The following CPSF4L variants were observed in gnomAD, a reference collection of about 807,000 sequenced individuals.
CPSF4L encodes putative cleavage and polyadenylation specificity factor subunit 4-like protein.
A neutral mutation model predicts 24.0 loss-of-function variants in CPSF4L; 18 were observed. The observed-to-expected ratio is 0.75, with a 90% CI of 0.52 to 1.11. The LOEUF is 1.11. Among genes scored for constraint, CPSF4L ranks in the 50% least tolerant of loss-of-function variants. The pLI is 0.00. For missense variants in CPSF4L, 211 were observed against 221.8 expected (o/e 0.95, Z 0.31); for synonymous variants, 72 against 77.2 (o/e 0.93, Z 0.35).
chr17:73,259,854 A>G (rs2145283750), intron 2 of CPSF4L, among the ~76,000 whole-genome samples: 1 of 152,324 alleles, frequency 6.6e-6, no homozygotes, highest in East Asian at 1.9e-4. Context: ...CTCTCACACC[A>G]GTGAGATTTC....
chr17:73,250,869 C>T (rs1599410510), intron 5 of CPSF4L: 1 of 882,716 alleles, frequency 1.1e-6, no homozygotes. Flanking sequence ...ATTCACACTC[C>T]TATCTGCTGC....
At position 73,250,217 on chromosome 17, in the gene CPSF4L, ATCT is replaced by A. The variant is rs1389116270; in HGVS notation, c.498-1684_498-1682del. On this transcript the variant is annotated intron_variant, in intron 5 of 5. Transcript: ENST00000344935. ...GAATCCCATAGTAAGACCATTGAGC[ATCT>A]TCTCCTGACCATAGGTTAGTTTTTA... 1.7e-5 allele frequency: 27 copies of A among 1,545,876 alleles called. No homozygotes were observed. The Middle Eastern group carries it at 8.4e-4, about 48-fold the overall frequency.
upstream of CPSF4L, among the ~76,000 whole-genome samples, chr17:73,262,932 C>T (rs1178048268): frequency 6.7e-6 from 1 of 148,666 alleles, no homozygotes; most frequent in East Asian, 1.9e-4. Flanking sequence ...CTTTTGAACT[C>T]CAGATCAGAA....
intron 3 of CPSF4L, among the ~76,000 whole-genome samples, 154 bp from the exon 4 acceptor site, chr17:73,254,180 C>A (rs1276284042): frequency 6.6e-6 from 1 of 152,210 alleles, no homozygotes; most frequent in East Asian, 1.9e-4. Flanking sequence ...TATGCCTAAT[C>A]CTTGCTGCAG....
chr17:73,255,400 A>G (rs1230138233), intron 3 of CPSF4L, among the ~76,000 whole-genome samples: 1 of 151,666 alleles, frequency 6.6e-6, no homozygotes, highest in East Asian at 1.9e-4. Context: ...CCAGTTATTC[A>G]GGAGGCTGTG....
At chr17:73,246,092 T>TTG (rs1481290640), downstream of CPSF4L, among the ~76,000 whole-genome samples, 1 of 152,176 alleles carries the variant, frequency 6.6e-6, no homozygotes, top group Non-Finnish European at 1.5e-5. Context: ...TTAGGCAACG[T>TTG]TGATGGATAA....
downstream of CPSF4L, chr17:73,245,499 T>A: frequency 1.0e-6 from 1 of 985,378 alleles, no homozygotes; most frequent in Non-Finnish European, 1.2e-6. Flanking sequence ...ATGACAAAGT[T>A]CATCACTAAA....
At chr17:73,251,020 G>A (rs1356827414) in intron 5 of CPSF4L, 1 of 1,549,654 alleles carries the variant, frequency 6.5e-7, no homozygotes, top group Non-Finnish European at 8.7e-7. Flanking sequence ...AGGCAGGAGA[G>A]CAGGCACTCT....
rs1177564370 is a variant in CPSF4L, at chr17:73,260,974, G to A, written c.113C>T (p.Ser38Leu). 14 of 1,550,336 alleles carry A rather than the reference G, an allele frequency of 9.0e-6. No homozygotes were observed. The East Asian group carries it at 3.2e-4, about 35-fold the overall frequency. ...TTTAGTGAAGAAGTTGCACACAGCT[G>A]AGGCCGACTCTGGAAGGAGAAGAGG... is the stretch of plus-strand genomic sequence containing the variant. ...LPFQGMDKSASAVCNFFTKGL... is the reference protein window; with the variant it reads ...LPFQGMDKSALAVCNFFTKGL... Residue 38 changes from serine (S) to leucine (L), a missense_variant, in exon 2 of 6, where the codon TCA becomes TTA. Physicochemically the swap from Ser to Leu is moderately radical, Grantham distance 145 (BLOSUM62 -2). Coordinates refer to ENST00000344935, the MANE Select transcript of CPSF4L (RefSeq NM_001129885.1).
downstream of CPSF4L, among the ~76,000 whole-genome samples, chr17:73,246,094 G>C (rs1298484062): frequency 6.6e-6 from 1 of 152,112 alleles, no homozygotes; most frequent in African/African-American, 2.4e-5. Context: ...AGGCAACGTT[G>C]ATGGATAAGT....
At chr17:73,248,423 A>G (rs767813818), downstream of CPSF4L, 62 of 1,318,762 alleles carry the variant, frequency 4.7e-5, no homozygotes, top group Non-Finnish European at 5.6e-5. Flanking sequence ...CATGCTGCAG[A>G]AGGAGGGGGT....
chr17:73,246,745 T>C (rs1238024273), downstream of CPSF4L, among the ~76,000 whole-genome samples: 1 of 152,224 alleles, frequency 6.6e-6, no homozygotes, highest in Non-Finnish European at 1.5e-5. Flanking sequence ...TATCCCTGTA[T>C]CCTAGAATTC....
At chr17:73,242,853 G>T in the CPSF4L span, 1 of 1,534,662 alleles carries the variant, frequency 6.5e-7, no homozygotes, top group Non-Finnish European at 8.9e-7. Context: ...ACTGGCCCTA[G>T]TTTCAGTTGC....
intron 4 of CPSF4L, among the ~76,000 whole-genome samples, chr17:73,253,045 A>G (rs760833977): frequency 6.6e-6 from 1 of 152,184 alleles, no homozygotes; most frequent in Non-Finnish European, 1.5e-5. Flanking sequence ...TATTTATTTA[A>G]GTATGGGAGG....
downstream of CPSF4L, chr17:73,247,200 GC>G: frequency 1.3e-6 from 2 of 1,575,470 alleles, no homozygotes; most frequent in African/African-American, 1.3e-5. Context: ...GAAACCATAT[GC>G]CCTGAAAAGC....
downstream of CPSF4L, among the ~76,000 whole-genome samples, chr17:73,243,549 T>C (rs1308235171): frequency 5.2e-5 from 5 of 95,526 alleles, no homozygotes; most frequent in East Asian, 1.1e-3. Flanking sequence ...TCATGTTGTC[T>C]TTTTTTTTTT....
chr17:73,243,854 C>T (rs1444354582), downstream of CPSF4L, among the ~76,000 whole-genome samples: 1 of 152,110 alleles, frequency 6.6e-6, no homozygotes, highest in African/African-American at 2.4e-5. Flanking sequence ...TTTCCCTTCC[C>T]TGCTAAAAGG....
At chr17:73,260,445 T>G (rs2062040853) in intron 2 of CPSF4L, among the ~76,000 whole-genome samples, 1 of 152,146 alleles carries the variant, frequency 6.6e-6, no homozygotes, top group African/African-American at 2.4e-5. Flanking sequence ...ATCCAACCAC[T>G]TATCCTTTGT....
At chr17:73,250,283 C>T in intron 5 of CPSF4L, 1 of 1,550,692 alleles carries the variant, frequency 6.4e-7, no homozygotes, top group Non-Finnish European at 8.7e-7. Flanking sequence ...TACTTACTGG[C>T]ATAATGGCCT....
Sources: gnomAD v4.1 joint callset for allele counts (sites outside exome capture counted in the v4.1 genomes callset) on GRCh38, gnomAD v4.1.1 for gene constraint, MANE v1.5 for transcripts, NCBI Gene and HGNC (gene_info 2026-07-23, HGNC 2026-07-21) for gene names.